Variants in KCNH1 observed in about 807,000 individuals in gnomAD.
KCNH1 encodes the protein potassium voltage-gated channel subfamily H member 1, also known as voltage-gated delayed rectifier potassium channel KCNH1.
Under a neutral mutation model 69.2 loss-of-function variants are expected in KCNH1, and 27 were observed. The ratio of observed to expected loss-of-function variants is 0.39; its 90% confidence interval spans 0.29 to 0.54. KCNH1 has a LOEUF of 0.54. Among genes scored for constraint, KCNH1 ranks in the 20% least tolerant of loss-of-function variants. The pLI, the probability that KCNH1 is intolerant of heterozygous loss-of-function variation, is 0.68. For synonymous variants in KCNH1, 456 were observed against 487.7 expected (o/e 0.93, Z 0.86); for missense variants, 798 against 1,261.6 (o/e 0.63, Z 5.57).
At chr1:210,922,315 G>A (rs1260643996) in intron 6 of KCNH1, among the ~76,000 whole-genome samples, 4 of 142,930 alleles carry the variant, frequency 2.8e-5, no homozygotes, top group African/African-American at 5.2e-5. Flanking sequence ...CTGGGAGGCA[G>A]AGCTTGCATG....
At chr1:210,807,633 AAATAAT>A (rs371459135) in intron 7 of KCNH1, among the ~76,000 whole-genome samples, 2 of 151,196 alleles carry the variant, frequency 1.3e-5, no homozygotes, top group African/African-American at 4.9e-5. Flanking sequence ...ATAAATAAAT[AAATAAT>A]AATAATAATA....
At chr1:210,701,113 G>A (rs1034312758) in intron 10 of KCNH1, among the ~76,000 whole-genome samples, 1 of 151,720 alleles carries the variant, frequency 6.6e-6, no homozygotes. Context: ...AATTTTTTGT[G>A]TTTTTAGTAG....
intron 6 of KCNH1, among the ~76,000 whole-genome samples, chr1:210,978,183 C>T (rs2102374594): frequency 6.6e-6 from 1 of 151,972 alleles, no homozygotes; most frequent in East Asian, 1.9e-4. Flanking sequence ...GGACTACAGG[C>T]ACCCACCACC....
chr1:210,690,454 C>T (rs555741697), intron 10 of KCNH1, among the ~76,000 whole-genome samples: 44 of 152,268 alleles, frequency 2.9e-4, no homozygotes, highest in African/African-American at 9.9e-4. Context: ...ACGTAGCTTT[C>T]CTCGTGGTTT....
chr1:210,841,421 T>C (rs946542652), intron 7 of KCNH1, among the ~76,000 whole-genome samples: 1 of 152,206 alleles, frequency 6.6e-6, no homozygotes, highest in Admixed American at 6.6e-5. Flanking sequence ...AAGTTTATTT[T>C]ACTCCCTGCA....
chr1:210,971,841 A>T (rs1688517501), intron 6 of KCNH1, among the ~76,000 whole-genome samples: 1 of 152,054 alleles, frequency 6.6e-6, no homozygotes, highest in South Asian at 2.1e-4. Context: ...ATACTTAAAG[A>T]TATATATACT....
intron 6 of KCNH1, among the ~76,000 whole-genome samples, chr1:210,980,259 C>G (rs1027586485): frequency 2.6e-5 from 4 of 152,144 alleles, no homozygotes; most frequent in African/African-American, 9.7e-5. Flanking sequence ...CAGGTTAAGA[C>G]ATGATGATGC....
intron 9 of KCNH1, among the ~76,000 whole-genome samples, chr1:210,791,366 C>G (rs1684209202): frequency 6.6e-6 from 1 of 152,166 alleles, no homozygotes; most frequent in Non-Finnish European, 1.5e-5. Flanking sequence ...GATTCAGAAC[C>G]TGTGGGGAAC....
At chr1:211,111,701 C>T (rs948491789) in intron 1 of KCNH1, among the ~76,000 whole-genome samples, 6 of 140,488 alleles carry the variant, frequency 4.3e-5, no homozygotes, top group South Asian at 2.5e-4. Flanking sequence ...AACGCCTCTG[C>T]CCGCCCTCCC....
chr1:210,720,827 T>C (rs1322358022), intron 10 of KCNH1, among the ~76,000 whole-genome samples: 1 of 152,198 alleles, frequency 6.6e-6, no homozygotes, highest in Admixed American at 6.5e-5. Flanking sequence ...TTGTTTTCCC[T>C]GCTCCTTTAT....
intron 3 of KCNH1, among the ~76,000 whole-genome samples, chr1:211,094,923 A>G (rs1372505132): frequency 6.6e-6 from 1 of 152,216 alleles, no homozygotes; most frequent in Non-Finnish European, 1.5e-5. Flanking sequence ...GATTCAATAT[A>G]TGAAACAGTT....
At chr1:211,023,595 TA>T (rs1485924614) in intron 5 of KCNH1, among the ~76,000 whole-genome samples, 1 of 151,796 alleles carries the variant, frequency 6.6e-6, no homozygotes, top group Non-Finnish European at 1.5e-5. Context: ...ATATGAGAGC[TA>T]AAAAAGCTGA....
chr1:210,731,238 C>G (rs921292733), intron 10 of KCNH1, among the ~76,000 whole-genome samples: 16 of 152,142 alleles, frequency 1.1e-4, no homozygotes, highest in Non-Finnish European at 1.8e-4. Context: ...GAGCGTGTAT[C>G]CATGTCGCTT....
chr1:210,908,303 A>G (rs952973779), intron 7 of KCNH1, among the ~76,000 whole-genome samples: 3 of 152,258 alleles, frequency 2.0e-5, no homozygotes, highest in African/African-American at 7.2e-5. Flanking sequence ...CTTAAATCAT[A>G]CATTCAACAA....
intron 6 of KCNH1, among the ~76,000 whole-genome samples, chr1:211,009,232 T>C (rs942568788): frequency 1.6e-4 from 24 of 152,184 alleles, no homozygotes; most frequent in Non-Finnish European, 3.1e-4. Context: ...TTTGGCTACA[T>C]GGACATCACT....
At chr1:210,911,032 G>A (rs925804315) in intron 7 of KCNH1, among the ~76,000 whole-genome samples, 4 of 151,704 alleles carry the variant, frequency 2.6e-5, no homozygotes, top group African/African-American at 7.3e-5. Flanking sequence ...TAAGTTAACT[G>A]TGGAGAAAAT....
At chr1:210,787,803 T>G (rs1242023121) in intron 9 of KCNH1, among the ~76,000 whole-genome samples, 1 of 152,224 alleles carries the variant, frequency 6.6e-6, no homozygotes, top group Non-Finnish European at 1.5e-5. Flanking sequence ...AGATAATGCA[T>G]GTTAGAAATT....
At chr1:210,750,338 C>T (rs143074862) in intron 10 of KCNH1, among the ~76,000 whole-genome samples, 47 of 152,286 alleles carry the variant, frequency 3.1e-4, no homozygotes, top group African/African-American at 1.1e-3. Context: ...TGTACACACA[C>T]GAGGACTTGC....
rs139485350 is a variant in KCNH1, at chr1:210,788,685, C to CTTTTTTTTTT, written c.1915+8813_1915+8822dup. ...AGATTATTCATATTATAGCTTCTTT[C>CTTTTTTTTTT]TTTTTTTTTTTTTTTTTTTTTTTTT... On this transcript the variant is annotated intron_variant, in intron 9 of 10. Coordinates refer to ENST00000271751, the MANE Select transcript of KCNH1 (RefSeq NM_172362.3). Among the ~76,000 whole-genome samples the CTTTTTTTTTT allele has an allele frequency of 2.5e-4, 20 of 80,714 alleles. 2 individuals are homozygous for CTTTTTTTTTT. Among genetic ancestry groups the CTTTTTTTTTT allele is most frequent in the African/African-American group, 9.9e-4 (20 of 20,190 alleles). 53.0% of individuals were successfully genotyped at this position (80,714 alleles called of 152,430 possible).
Sources: gnomAD v4.1 joint callset for allele counts (sites outside exome capture counted in the v4.1 genomes callset) on GRCh38, gnomAD v4.1.1 for gene constraint, MANE v1.5 for transcripts, NCBI Gene and HGNC (gene_info 2026-07-23, HGNC 2026-07-21) for gene names.